The following LRRC7 variants were observed in gnomAD, a reference collection of about 807,000 sequenced individuals.
The protein encoded by LRRC7 is leucine-rich repeat-containing protein 7.
Under a neutral mutation model 175.7 loss-of-function variants are expected in LRRC7, and 23 were observed. That is an observed-to-expected ratio of 0.13 (90% CI 0.09 to 0.19). The LOEUF (loss-of-function observed/expected upper bound fraction) is 0.19. Ranked by LOEUF, LRRC7 falls within the 10% of genes least tolerant of loss-of-function variation. The pLI is 1.00. For synonymous variants in LRRC7, 685 were observed against 680.9 expected, an observed-to-expected ratio of 1.01 and a Z score of -0.09; for missense variants, 1,354 against 1,904.7, an observed-to-expected ratio of 0.71 and a Z score of 5.38.
At chr1:69,872,249 C>T (rs1374516346) in intron 7 of LRRC7, among the ~76,000 whole-genome samples, 1 of 151,876 alleles carries the variant, frequency 6.6e-6, no homozygotes, top group Admixed American at 6.6e-5. Flanking sequence ...AAATTGTAAA[C>T]AAAATATGTG....
intron 7 of LRRC7, among the ~76,000 whole-genome samples, chr1:69,847,990 C>T (rs1682563652): frequency 6.6e-6 from 1 of 152,078 alleles, no homozygotes; most frequent in Non-Finnish European, 1.5e-5. Context: ...CTGCTACATC[C>T]AATATACAAT....
At position 69,985,103 on chromosome 1, in the gene LRRC7, C is replaced by G. The variant is rs555390057; in HGVS notation, c.787-1139C>G. On this transcript the variant is annotated intron_variant, in intron 9 of 26. Transcript: ENST00000651989. ...CCTGTTCTGTGGCATTCACTACATG[C>G]TTTTTTATTGCACTTGTCACAGGGT... is the stretch of plus-strand genomic sequence containing the variant. 2.0e-5 allele frequency among the ~76,000 whole-genome samples: 3 copies of G among 152,256 alleles called. No individual in the cohort carries two copies. In the East Asian group the frequency reaches 5.8e-4, roughly 29 times the overall value.
intron 1 of LRRC7, among the ~76,000 whole-genome samples, chr1:69,662,595 T>A (rs1375775544): frequency 1.3e-5 from 2 of 152,220 alleles, no homozygotes; most frequent in African/African-American, 4.8e-5. Flanking sequence ...CACTCTCTTT[T>A]AAGCAGTTTA....
Position 70,129,258 on chromosome 1 carries a change from A to C in LRRC7, c.*7371A>C, listed in dbSNP as rs1188166223. Among the ~76,000 whole-genome samples, 1 of 151,948 alleles carries C rather than the reference A, an allele frequency of 6.6e-6. No individual in the cohort carries two copies. Among genetic ancestry groups the C allele is most frequent in the African/African-American group, 2.4e-5 (1 of 41,350 alleles). ...TGAGACTCCATCTTAAAAAAAAAAA[A>C]AAAAGTGTCACGAAAAGTGTGAGCT... On this transcript the variant is annotated 3_prime_UTR_variant, in exon 27 of 27. Transcript: ENST00000651989.
intron 1 of LRRC7, chr1:69,607,667 C>G (rs1469459616): frequency 6.6e-6 from 1 of 151,968 alleles, no homozygotes; most frequent in African/African-American, 2.4e-5. Context: ...TCTACATTTT[C>G]TAGTGTGTGT....
At chr1:70,015,303 C>G (rs1656869087) in intron 13 of LRRC7, among the ~76,000 whole-genome samples, 2 of 151,960 alleles carry the variant, frequency 1.3e-5, no homozygotes, top group Middle Eastern at 3.4e-3. Flanking sequence ...TATTGCCTTT[C>G]AATCTCTTTT....
intron 1 of LRRC7, among the ~76,000 whole-genome samples, chr1:69,648,277 G>T (rs574461219): frequency 1.5e-4 from 23 of 152,062 alleles, no homozygotes; most frequent in Non-Finnish European, 3.4e-4. Flanking sequence ...TAATTTGTAT[G>T]AAAATAATAC....
intron 21 of LRRC7, 54 bp from the exon 22 acceptor site, chr1:70,043,900 C>A: frequency 6.6e-7 from 1 of 1,522,952 alleles, no homozygotes; most frequent in Non-Finnish European, 8.9e-7. Flanking sequence ...TGTAATTTAT[C>A]AGTTTGTTGA....
At position 69,704,880 on chromosome 1, in the gene LRRC7, A is replaced by T. The variant is rs143951994; in HGVS notation, c.100+26402A>T. Among the ~76,000 whole-genome samples the T allele has an allele frequency of 1.9e-3, 291 of 152,200 alleles. 1 individual carries two copies. Among genetic ancestry groups the T allele is most frequent in the African/African-American group, 6.7e-3 (280 of 41,568 alleles). On this transcript the variant is annotated intron_variant, in intron 2 of 26. Transcript: ENST00000651989. ...AATACTATTGTTAGCCAATGAAATA[A>T]AATTCTCCTACATATTTCAACTACA... is the stretch of plus-strand genomic sequence containing the variant.
At position 69,714,267 on chromosome 1, in the gene LRRC7, C is replaced by T. The variant is rs12061896; in HGVS notation, c.100+35789C>T. ...AAATTTCTTACCAACAAAAATTTGT[C>T]CAGTTTAATACATAAGCAATATTTA... On this transcript the variant is annotated intron_variant, in intron 2 of 26. Transcript: ENST00000651989. Among the ~76,000 whole-genome samples the T allele has an allele frequency of 6.8e-3, 1,034 of 152,190 alleles. 10 individuals carry two copies. The highest frequency in any genetic ancestry group is 0.023 in the African/African-American group (972 of 41,530).
chr1:69,938,234 AG>A (rs1157351986), intron 8 of LRRC7, among the ~76,000 whole-genome samples: 1 of 152,096 alleles, frequency 6.6e-6, no homozygotes, highest in Admixed American at 6.6e-5. Flanking sequence ...CAGTAAATCA[AG>A]CAGTCGTTAT....
chr1:69,587,697 G>T (rs1258643242), intron 1 of LRRC7, among the ~76,000 whole-genome samples: 1 of 152,074 alleles, frequency 6.6e-6, no homozygotes, highest in Non-Finnish European at 1.5e-5. Context: ...GTGATAGTGA[G>T]GGAGAGCCAT....
At chr1:69,677,698 G>GT (rs1287999529) in intron 1 of LRRC7, among the ~76,000 whole-genome samples, 3 of 151,924 alleles carry the variant, frequency 2.0e-5, no homozygotes, top group Admixed American at 1.3e-4. Context: ...GATGACCTTA[G>GT]TTTTTTAAAT....
At chr1:69,886,731 G>C (rs1313529039) in intron 7 of LRRC7, among the ~76,000 whole-genome samples, 1 of 150,450 alleles carries the variant, frequency 6.6e-6, no homozygotes, top group East Asian at 2.0e-4. Context: ...TTTACATTTT[G>C]GCATGATTTT....
intron 21 of LRRC7, among the ~76,000 whole-genome samples, chr1:70,042,624 G>C (rs1660007070): frequency 6.6e-6 from 1 of 152,140 alleles, no homozygotes; most frequent in Non-Finnish European, 1.5e-5. Context: ...ACTATGACAG[G>C]GAATTTAAAA....
chr1:70,034,210 G>T (rs1659069757), intron 18 of LRRC7, among the ~76,000 whole-genome samples: 3 of 151,960 alleles, frequency 2.0e-5, no homozygotes, highest in African/African-American at 7.3e-5. Context: ...GGTATATAAA[G>T]GCTTTTATCC....
intron 7 of LRRC7, among the ~76,000 whole-genome samples, chr1:69,871,228 A>C (rs1169812622): frequency 6.6e-6 from 1 of 152,104 alleles, no homozygotes; most frequent in Admixed American, 6.6e-5. Flanking sequence ...TGTATGCTGT[A>C]ATACCTTAAG....
rs78791999 is a variant in LRRC7, at chr1:69,688,631, G to GTTT, written c.100+10165_100+10167dup. ...ATCTGTTTCTTGGATTCTTTTTATG[G>GTTT]TTTTTTTTTTTTTTAAAAAAAACCT... On this transcript the variant is annotated intron_variant, in intron 2 of 26. Coordinates refer to ENST00000651989, the MANE Select transcript of LRRC7 (RefSeq NM_001370785.2). Among the ~76,000 whole-genome samples the GTTT allele has an allele frequency of 9.5e-4, 118 of 124,532 alleles. 1 individual carries two copies. The highest frequency in any genetic ancestry group is 5.4e-3 in the Admixed American group (67 of 12,328). 81.7% of individuals were successfully genotyped at this position (124,532 alleles called of 152,430 possible).
intron 7 of LRRC7, among the ~76,000 whole-genome samples, chr1:69,907,566 T>C (rs1319353887): frequency 3.3e-5 from 5 of 152,226 alleles, no homozygotes; most frequent in Admixed American, 1.3e-4. Context: ...ATTACATTTA[T>C]TGATTTATGT....
Sources: allele counts gnomAD v4.1 joint callset (sites outside exome capture counted in the v4.1 genomes callset), GRCh38; gene constraint gnomAD v4.1.1; transcripts MANE v1.5; gene names NCBI Gene and HGNC (gene_info 2026-07-23, HGNC 2026-07-21).